Variants in OR51B5 observed in about 807,000 individuals in gnomAD.
OR51B5 encodes the protein olfactory receptor family 51 subfamily B member 5.
For synonymous variants in OR51B5, 186 were observed against 144.8 expected, an observed-to-expected ratio of 1.28 and a Z score of -2.04; for missense variants, 456 against 374.6, an observed-to-expected ratio of 1.22 and a Z score of -1.79.
In OR51B5 at chr11:5,362,956, G is replaced by C. The variant is rs182924730; in HGVS notation, n.85-16046C>G. ...CCGCCTGTTGCTTATAATAAATGCAGATGTATGGCATTAAAAAAAAAAAAG... is the reference window on the plus strand; with the variant it reads ...CCGCCTGTTGCTTATAATAAATGCACATGTATGGCATTAAAAAAAAAAAAG... On this transcript the variant is annotated intron_variant and non_coding_transcript_variant, in intron 1 of 4. Coordinates refer to the OR51B5 transcript ENST00000415970. 429 of 150,176 alleles carry C rather than the reference G, an allele frequency of 2.9e-3. 1 individual carries two copies. Among genetic ancestry groups the C allele is most frequent in the African/African-American group, 0.01 (403 of 38,386 alleles). 9.3% of individuals were successfully genotyped at this position (150,176 alleles called of 1,614,324 possible).
chr11:5,436,815 C>A (rs1850601844), intron 1 of OR51B5, among the ~76,000 whole-genome samples: 2 of 152,156 alleles, frequency 1.3e-5, no homozygotes, highest in South Asian at 4.1e-4. Context: ...TGTATACATA[C>A]CTCAAAGACA....
At chr11:5,370,822 C>T (rs897808441) in intron 1 of OR51B5, among the ~76,000 whole-genome samples, 9 of 152,086 alleles carry the variant, frequency 5.9e-5, no homozygotes, top group African/African-American at 1.9e-4. Flanking sequence ...TAGAGAATAA[C>T]AAAATTTATG....
At chr11:5,411,095 A>C (rs1245148563) in intron 1 of OR51B5, among the ~76,000 whole-genome samples, 2 of 152,228 alleles carry the variant, frequency 1.3e-5, no homozygotes. Context: ...AATAGCAAAC[A>C]GTAATGTCCT....
At chr11:5,409,623 G>C (rs1465235597) in intron 1 of OR51B5, among the ~76,000 whole-genome samples, 2 of 151,792 alleles carry the variant, frequency 1.3e-5, no homozygotes, top group Non-Finnish European at 2.9e-5. Flanking sequence ...CACAAAAATT[G>C]AAAATATAAA....
intron 1 of OR51B5, among the ~76,000 whole-genome samples, chr11:5,464,243 T>C (rs1053069281): frequency 3.3e-5 from 5 of 152,220 alleles, no homozygotes; most frequent in African/African-American, 7.2e-5. Flanking sequence ...ACAAAATGCA[T>C]TGGGTGATTT....
chr11:5,393,533 C>A (rs998396674), intron 1 of OR51B5, among the ~76,000 whole-genome samples: 2 of 151,902 alleles, frequency 1.3e-5, no homozygotes, highest in African/African-American at 4.8e-5. Flanking sequence ...GAAGACATTT[C>A]GGTTTTATAA....
At chr11:5,502,605 G>A (rs928729627) in intron 1 of OR51B5, among the ~76,000 whole-genome samples, 2 of 152,204 alleles carry the variant, frequency 1.3e-5, no homozygotes, top group Non-Finnish European at 2.9e-5. Flanking sequence ...AGAAGTGAGA[G>A]AAGAATGTGG....
intron 1 of OR51B5, among the ~76,000 whole-genome samples, chr11:5,466,803 C>T (rs562523943): frequency 3.3e-5 from 5 of 152,306 alleles, no homozygotes; most frequent in African/African-American, 1.2e-4. Flanking sequence ...TTTGAGGCCA[C>T]TTCTGTGTGT....
At chr11:5,476,217 T>G (rs191400574) in intron 1 of OR51B5, among the ~76,000 whole-genome samples, 1 of 152,236 alleles carries the variant, frequency 6.6e-6, no homozygotes, top group South Asian at 2.1e-4. Flanking sequence ...TGTATACTTA[T>G]TGAGAGCTTT....
intron 1 of OR51B5, chr11:5,441,353 C>T: frequency 6.2e-7 from 1 of 1,613,996 alleles, no homozygotes; most frequent in Non-Finnish European, 8.5e-7. Context: ...GCAGAGCAGG[C>T]TCCCAAAACA....
rs931023811 is a variant in OR51B5 at position 5,446,019 on chromosome 11, A to G, written n.84+59550T>C. Among the ~76,000 whole-genome samples, 9 of 151,922 alleles carry G rather than the reference A, an allele frequency of 5.9e-5. No individual in the cohort carries two copies. In the Middle Eastern group the frequency reaches 0.01, roughly 172 times the overall value. ...CTATCCCAAGGACAAAAAACCAAAC[A>G]CCGCATGTTCTCACTCATAGGTGGG... On this transcript the variant is annotated intron_variant and non_coding_transcript_variant, in intron 1 of 4. Coordinates refer to the OR51B5 transcript ENST00000415970.
intron 1 of OR51B5, among the ~76,000 whole-genome samples, chr11:5,438,217 C>G (rs182980530): frequency 1.3e-5 from 2 of 152,226 alleles, no homozygotes; most frequent in East Asian, 3.9e-4. Flanking sequence ...TAAAATGACT[C>G]TAGCTATGTT....
chr11:5,501,436 T>C (rs1257142516), intron 1 of OR51B5, among the ~76,000 whole-genome samples: 1 of 148,030 alleles, frequency 6.8e-6, no homozygotes, highest in Non-Finnish European at 1.5e-5. Context: ...ACCTTCTTAT[T>C]ATACTCAGGA....
intron 1 of OR51B5, among the ~76,000 whole-genome samples, chr11:5,483,435 C>T (rs551393964): frequency 3.5e-5 from 5 of 143,780 alleles, no homozygotes; most frequent in Non-Finnish European, 7.5e-5. Flanking sequence ...TGCAGCGCAC[C>T]AGCATGGCAC....
intron 1 of OR51B5, among the ~76,000 whole-genome samples, chr11:5,368,622 T>C (rs1163970089): frequency 7.2e-6 from 1 of 139,134 alleles, no homozygotes; most frequent in Non-Finnish European, 1.6e-5. Context: ...TATTCTAACA[T>C]AAAGACTTTG....
chr11:5,431,208 C>T (rs1469645389), intron 1 of OR51B5: 1 of 356,470 alleles, frequency 2.8e-6, no homozygotes, highest in Non-Finnish European at 5.6e-6. Context: ...CTGTATAGCG[C>T]AGGAGGTTGT....
At chr11:5,493,127 C>G (rs1284643613) in intron 1 of OR51B5, among the ~76,000 whole-genome samples, 1 of 152,190 alleles carries the variant, frequency 6.6e-6, no homozygotes, top group Non-Finnish European at 1.5e-5. Context: ...AGTCACCTAT[C>G]TTCCACTAAA....
chr11:5,349,395 C>A (rs1380497119), intron 1 of OR51B5, among the ~76,000 whole-genome samples: 2 of 137,844 alleles, frequency 1.5e-5, no homozygotes, highest in Admixed American at 7.3e-5. Flanking sequence ...ATCTGGTATT[C>A]CTACTCCTGT....
At chr11:5,361,622 T>C (rs1295645247) in intron 1 of OR51B5, among the ~76,000 whole-genome samples, 3 of 152,206 alleles carry the variant, frequency 2.0e-5, no homozygotes, top group African/African-American at 7.2e-5. Context: ...CAAGATGTGA[T>C]GGGGTATAAG....
Sources: allele counts gnomAD v4.1 joint callset (sites outside exome capture counted in the v4.1 genomes callset), GRCh38; gene constraint gnomAD v4.1.1; transcripts MANE v1.5; gene names NCBI Gene and HGNC (gene_info 2026-07-23, HGNC 2026-07-21).